Variants in PLXDC2 observed in about 807,000 individuals in gnomAD.
PLXDC2 encodes plexin domain containing 2, also known as plexin domain-containing protein 2.
In PLXDC2, 40 loss-of-function variants were observed where a neutral mutation model predicts 68.9. The ratio of observed to expected loss-of-function variants is 0.58; its 90% CI spans 0.45 to 0.76. The LOEUF is 0.76. Among genes scored for constraint, PLXDC2 ranks in the 30% least tolerant of loss-of-function variants. PLXDC2 has a pLI of 0.00. For missense variants in PLXDC2, 644 were observed against 661.9 expected, an observed-to-expected ratio of 0.97 and a Z score of 0.30; for synonymous variants, 243 against 234.2, an observed-to-expected ratio of 1.04 and a Z score of -0.34.
rs111491438 is a variant in PLXDC2, at chr10:19,865,541, C to G, written c.112+48350C>G. Among the ~76,000 whole-genome samples, 604 of 152,246 alleles carry G rather than the reference C, an allele frequency of 4.0e-3. 3 individuals carry two copies. The highest frequency in any genetic ancestry group is 6.7e-3 in the Non-Finnish European group (454 of 68,020). ...TATGTCTTTCCTACGTCATTATCAT[C>G]TACTTTGCTACTTCTCTGCCATTTA... On this transcript the variant is annotated intron_variant, in intron 1 of 13. Coordinates refer to ENST00000377252, the MANE Select transcript of PLXDC2 (RefSeq NM_032812.9).
intron 1 of PLXDC2, among the ~76,000 whole-genome samples, chr10:19,907,756 C>G (rs1428748282): frequency 1.3e-5 from 2 of 152,158 alleles, no homozygotes; most frequent in African/African-American, 4.8e-5. Flanking sequence ...GGAAACCTGT[C>G]TATTTCCTCG....
At chr10:20,136,900 A>G (rs1251397503) in intron 4 of PLXDC2, among the ~76,000 whole-genome samples, 1 of 152,196 alleles carries the variant, frequency 6.6e-6, no homozygotes, top group Admixed American at 6.5e-5. Context: ...TGCATCCTTT[A>G]TTACTGTGAC....
chr10:20,262,359 G>A (rs1229487364), intron 13 of PLXDC2, among the ~76,000 whole-genome samples: 2 of 152,230 alleles, frequency 1.3e-5, no homozygotes, highest in African/African-American at 4.8e-5. Context: ...TGAAGTTTCA[G>A]TGTGATATTA....
chr10:20,256,927 C>T (rs1835749937), intron 13 of PLXDC2, among the ~76,000 whole-genome samples: 1 of 152,166 alleles, frequency 6.6e-6, no homozygotes, highest in Non-Finnish European at 1.5e-5. Flanking sequence ...TCAAAAGAAG[C>T]AGGGTCCATT....
intron 4 of PLXDC2, among the ~76,000 whole-genome samples, chr10:20,088,086 G>A (rs758628441): frequency 1.3e-5 from 2 of 152,036 alleles, no homozygotes; most frequent in Non-Finnish European, 1.5e-5. Flanking sequence ...GATCTAAACA[G>A]CCATGGGTCA....
At chr10:20,111,755 G>C (rs1011249457) in intron 4 of PLXDC2, among the ~76,000 whole-genome samples, 1 of 152,166 alleles carries the variant, frequency 6.6e-6, no homozygotes, top group Admixed American at 6.5e-5. Context: ...TCTCCCAGAG[G>C]ACAAGTATTT....
chr10:20,096,031 C>T (rs1037122635), intron 4 of PLXDC2, among the ~76,000 whole-genome samples: 1 of 152,098 alleles, frequency 6.6e-6, no homozygotes, highest in African/African-American at 2.4e-5. Flanking sequence ...TTAATTTGGC[C>T]ATAGAACTCC....
At chr10:20,164,434 C>A (rs763877128) in intron 6 of PLXDC2, 34 bp from the exon 7 acceptor site, 9 of 1,521,344 alleles carry the variant, frequency 5.9e-6, no homozygotes, top group Non-Finnish European at 8.2e-6. Context: ...AAATTCAGAT[C>A]TAACATATAG....
intron 2 of PLXDC2, among the ~76,000 whole-genome samples, chr10:20,009,003 G>A (rs1323390194): frequency 1.3e-5 from 2 of 152,134 alleles, no homozygotes; most frequent in African/African-American, 2.4e-5. Context: ...TTCGCAGCTT[G>A]AAAACGGACT....
In PLXDC2 at chr10:19,816,994, T is replaced by C; in HGVS notation, c.-86T>C. On this transcript the variant is annotated 5_prime_UTR_variant, in exon 1 of 14. Transcript: ENST00000377252. The stretch of plus-strand genomic sequence containing the variant: ...GTCCTACCGAGACCGATCCGCAGCG[T>C]TTGGCCCGGTCGTGCCTATTGCATC... 1 of 974,250 alleles carries C rather than the reference T, an allele frequency of 1.0e-6. No homozygotes were observed. Among genetic ancestry groups the C allele is most frequent in the Non-Finnish European group, 1.6e-6 (1 of 642,362 alleles). 60.4% of individuals were successfully genotyped at this position (974,250 alleles called of 1,614,324 possible).
At chr10:19,964,805 C>T (rs1245804028) in intron 1 of PLXDC2, among the ~76,000 whole-genome samples, 1 of 150,718 alleles carries the variant, frequency 6.6e-6, no homozygotes, top group Non-Finnish European at 1.5e-5. Context: ...GGCTCTTTCC[C>T]TGCATTCTAT....
chr10:19,818,066 A>G (rs2131990699), intron 1 of PLXDC2, among the ~76,000 whole-genome samples: 1 of 152,280 alleles, frequency 6.6e-6, no homozygotes, highest in African/African-American at 2.4e-5. Context: ...GAAAGTGAAG[A>G]CACAGGCAGA....
chr10:19,938,424 G>C (rs1461602824), intron 1 of PLXDC2, among the ~76,000 whole-genome samples: 8 of 152,260 alleles, frequency 5.3e-5, no homozygotes, highest in Non-Finnish European at 8.8e-5. Flanking sequence ...TTTGTTTCTG[G>C]GTAGGCCTCA....
At chr10:19,837,091 G>A (rs1028354405) in intron 1 of PLXDC2, among the ~76,000 whole-genome samples, 3 of 150,976 alleles carry the variant, frequency 2.0e-5, no homozygotes, top group Non-Finnish European at 4.4e-5. Context: ...TATTGCTTGC[G>A]AGGTGAATTG....
chr10:19,945,686 C>G (rs1833890047), intron 1 of PLXDC2, among the ~76,000 whole-genome samples: 1 of 152,116 alleles, frequency 6.6e-6, no homozygotes, highest in African/African-American at 2.4e-5. Context: ...TCCATGTTAT[C>G]TTGTCTGTGC....
intron 6 of PLXDC2, among the ~76,000 whole-genome samples, chr10:20,161,569 G>A (rs1834292784): frequency 6.6e-6 from 1 of 151,598 alleles, no homozygotes; most frequent in Admixed American, 6.6e-5. Context: ...ATTGATTGAG[G>A]CCATTACTGC....
chr10:20,153,631 C>T (rs903751853), intron 6 of PLXDC2, among the ~76,000 whole-genome samples: 21 of 152,102 alleles, frequency 1.4e-4, no homozygotes, highest in African/African-American at 5.1e-4. Context: ...TTGAGCTCTT[C>T]ATATATGTCA....
At chr10:19,859,795 G>A (rs955240849) in intron 1 of PLXDC2, among the ~76,000 whole-genome samples, 4 of 152,192 alleles carry the variant, frequency 2.6e-5, no homozygotes, top group Admixed American at 2.0e-4. Flanking sequence ...GCAGTGGTGC[G>A]ATCTCAGCTT....
chr10:19,968,992 T>G (rs1294835922), intron 1 of PLXDC2, among the ~76,000 whole-genome samples: 7 of 152,220 alleles, frequency 4.6e-5, no homozygotes, highest in Admixed American at 1.3e-4. Context: ...TTAGCTTCTT[T>G]GCTGATGACA....
Sources: gnomAD v4.1 joint callset for allele counts (sites outside exome capture counted in the v4.1 genomes callset) on GRCh38, gnomAD v4.1.1 for gene constraint, MANE v1.5 for transcripts, NCBI Gene and HGNC (gene_info 2026-07-23, HGNC 2026-07-21) for gene names.